Variants in SPI1 observed in about 807,000 individuals in gnomAD.
SPI1 encodes the protein transcription factor PU.1.
Under a neutral mutation model 30.7 loss-of-function variants are expected in SPI1, and 3 were observed. The observed-to-expected ratio is 0.10, with a 90% CI of 0.04 to 0.25. SPI1 has a LOEUF of 0.25. SPI1 is among the 10% of genes least tolerant of loss of function. The pLI is 1.00. For synonymous variants in SPI1, 169 were observed against 157.1 expected, an observed-to-expected ratio of 1.08 and a Z score of -0.56; for missense variants, 261 against 371.5, an observed-to-expected ratio of 0.70 and a Z score of 2.45.
chr11:47,365,498 T>C (rs2095926874), intron 2 of SPI1, among the ~76,000 whole-genome samples: 1 of 152,210 alleles, frequency 6.6e-6, no homozygotes, highest in Non-Finnish European at 1.5e-5. Flanking sequence ...GCCACTACAG[T>C]ATAATCTATC....
intron 1 of SPI1, among the ~76,000 whole-genome samples, chr11:47,378,079 C>T (rs1323817773): frequency 6.6e-6 from 1 of 152,266 alleles, no homozygotes; most frequent in East Asian, 1.9e-4. Context: ...ACTGTTCAGG[C>T]CCCACCGATC....
rs200099249 is a variant in SPI1 at position 47,355,553 on chromosome 11, G to A, written c.494-7C>T. On this transcript the variant is annotated splice_region_variant and splice_polypyrimidine_tract_variant and intron_variant, in intron 4 of 4. Transcript: ENST00000378538. ...CGGATCTTCTTCTTGCTGCCTGCGG[G>A]GGGGAGGGCCCGGTGGGAGGGGGCC... 4.4e-4 allele frequency: 687 copies of A among 1,564,250 alleles called. No individual in the cohort carries two copies. The highest frequency in any genetic ancestry group is 1.8e-3 in the South Asian group (151 of 85,806).
intron 4 of SPI1, among the ~76,000 whole-genome samples, chr11:47,356,159 C>T (rs1214591715): frequency 6.6e-6 from 1 of 151,486 alleles, no homozygotes; most frequent in East Asian, 1.9e-4. Flanking sequence ...CATCTGCCCT[C>T]ACACACTGTC....
intron 4 of SPI1, among the ~76,000 whole-genome samples, chr11:47,355,754 C>A (rs1314760245): frequency 6.8e-6 from 1 of 146,468 alleles, no homozygotes; most frequent in Non-Finnish European, 1.5e-5. Flanking sequence ...TCACACACAC[C>A]CACTCACACC....
At chr11:47,358,630 C>T (rs2095915789) in intron 4 of SPI1, 1 of 707,050 alleles carries the variant, frequency 1.4e-6, no homozygotes, top group Non-Finnish European at 2.6e-6. Flanking sequence ...ACACCTGGCA[C>T]ACTTCATGGA....
At chr11:47,365,172 A>G (rs1205081325) in intron 2 of SPI1, among the ~76,000 whole-genome samples, 2 of 152,122 alleles carry the variant, frequency 1.3e-5, no homozygotes, top group Non-Finnish European at 2.9e-5. Flanking sequence ...ACTCTTCGAG[A>G]ACAAATTGCT....
rs761258852 is a variant in SPI1 at position 47,355,550 on chromosome 11, CG to C, written c.494-5del. On this transcript the variant is annotated splice_region_variant and splice_polypyrimidine_tract_variant and intron_variant, in intron 4 of 4. Coordinates refer to ENST00000378538, the MANE Select transcript of SPI1 (RefSeq NM_003120.3). ...AGGCGGATCTTCTTCTTGCTGCCTGCGGGGGGGAGGGCCCGGTGGGAGGGGG... is the reference window on the plus strand; with the variant it reads ...AGGCGGATCTTCTTCTTGCTGCCTGCGGGGGGAGGGCCCGGTGGGAGGGGG... The C allele has an allele frequency of 6.8e-5, 95 of 1,398,562 alleles. No individual in the cohort carries two copies. Among genetic ancestry groups the C allele is most frequent in the African/African-American group, 1.8e-4 (12 of 66,334 alleles). The allele number at this position is 1,398,562 out of a possible 1,614,324, so 86.6% of individuals were successfully genotyped here.
intron 4 of SPI1, among the ~76,000 whole-genome samples, chr11:47,357,018 C>T (rs1268429993): frequency 1.3e-5 from 2 of 150,804 alleles, no homozygotes; most frequent in Non-Finnish European, 3.0e-5. Flanking sequence ...CCTCACACAC[C>T]TCACACCAAG....
At chr11:47,367,574 A>T (rs2095930134) in intron 2 of SPI1, among the ~76,000 whole-genome samples, 1 of 140,494 alleles carries the variant, frequency 7.1e-6, no homozygotes, top group Non-Finnish European at 1.5e-5. Context: ...AAAAAATCCT[A>T]TCGTAAATAG....
intron 2 of SPI1, among the ~76,000 whole-genome samples, chr11:47,363,507 T>C (rs891424452): frequency 3.3e-5 from 5 of 150,922 alleles, no homozygotes; most frequent in Non-Finnish European, 7.4e-5. Context: ...GGTGACAGAG[T>C]GAGACTCCAT....
Position 47,355,209 on chromosome 11 carries a change from C to A in SPI1, c.*18G>T, listed in dbSNP as rs2095906186. On this transcript the variant is annotated 3_prime_UTR_variant, in exon 5 of 5. Coordinates refer to ENST00000378538, the MANE Select transcript of SPI1 (RefSeq NM_003120.3). ...GGCCAGCGGGGAGGCCTGGCGGGGC[C>A]CGGCGGGGGCTGCGGGCTCAGTGGG... 2 of 1,333,952 alleles carry A rather than the reference C, an allele frequency of 1.5e-6. No homozygotes were observed. The highest frequency in any genetic ancestry group is 4.1e-5 in the Admixed American group (1 of 24,544). The allele number at this position is 1,333,952 out of a possible 1,614,324, so 82.6% of individuals were successfully genotyped here. A position where few individuals can be genotyped will look rare whatever the true frequency, so the allele number is the denominator to read the frequency against.
intron 2 of SPI1, among the ~76,000 whole-genome samples, chr11:47,369,178 G>A (rs1309581504): frequency 6.6e-6 from 1 of 152,224 alleles, no homozygotes; most frequent in Non-Finnish European, 1.5e-5. Context: ...CTTGATCCCA[G>A]GAGGCAGAGG....
chr11:47,375,797 C>A lies in SPI1; in HGVS notation c.46-68G>T, dbSNP rs563746168. 25 of 1,277,652 alleles carry A rather than the reference C, an allele frequency of 2.0e-5. No individual in the cohort carries two copies. The South Asian group carries it at 2.7e-4, about 14-fold the overall frequency. 79.1% of individuals were successfully genotyped at this position (1,277,652 alleles called of 1,614,324 possible). ...ACCCCAGCCAGGCCTGCAGCACCCC[C>A]GCACGCTGGGTCCCCATCACCTTCC... On this transcript the variant is annotated intron_variant, in intron 1 of 4. Transcript: ENST00000378538. The surrounding 1 kb of genome is among the most constrained non-coding windows in gnomAD (Gnocchi z 4.2).
Position 47,374,056 on chromosome 11 carries a change from C to A in SPI1, c.142+1577G>T, listed in dbSNP as rs1046596220. On this transcript the variant is annotated intron_variant, in intron 2 of 4. Coordinates refer to ENST00000378538, the MANE Select transcript of SPI1 (RefSeq NM_003120.3). The surrounding 1 kb of genome is among the most constrained non-coding windows in gnomAD (Gnocchi z 4.5). ...GAGAATGCGTCCTTGTTGGAGGAGG[C>A]CTGACAGCACTGTCTGTGGTGACCC... Among the ~76,000 whole-genome samples the A allele has an allele frequency of 2.0e-5, 3 of 152,158 alleles. No individual in the cohort carries two copies. Among genetic ancestry groups the A allele is most frequent in the Non-Finnish European group, 4.4e-5 (3 of 68,026 alleles).
chr11:47,356,326 C>A (rs1022110088), intron 4 of SPI1, among the ~76,000 whole-genome samples: 1 of 121,020 alleles, frequency 8.3e-6, no homozygotes, highest in Non-Finnish European at 1.7e-5. Flanking sequence ...CATCTGCTTA[C>A]ACATTCACAA....
chr11:47,363,814 T>G (rs564889099), intron 2 of SPI1, among the ~76,000 whole-genome samples: 1 of 151,290 alleles, frequency 6.6e-6, no homozygotes, highest in South Asian at 2.1e-4. Context: ...ATATAAAAAT[T>G]AGCTGGGCCT....
rs1338994255 is a variant in SPI1, at chr11:47,375,744, G to A, written c.46-15C>T. On this transcript the variant is annotated splice_polypyrimidine_tract_variant and intron_variant, in intron 1 of 4. Transcript: ENST00000378538. The surrounding 1 kb of genome is among the most constrained non-coding windows in gnomAD (Gnocchi z 4.2). Reference sequence around the variant, plus strand: ...TCTTCTGATGGCTGCTGAGAGAGGAGGTGTCAGGGCCTGCACCATGGTGGG... The same window carrying A: ...TCTTCTGATGGCTGCTGAGAGAGGAAGTGTCAGGGCCTGCACCATGGTGGG... 2 of 1,608,116 alleles carry A rather than the reference G, an allele frequency of 1.2e-6. No individual in the cohort carries two copies. The highest frequency in any genetic ancestry group is 1.7e-6 in the Non-Finnish European group (2 of 1,175,064).
At position 47,375,520 on chromosome 11, in the gene SPI1, T is replaced by C; in HGVS notation, c.142+113A>G. 1.2e-6 allele frequency: 1 copy of C among 868,406 alleles called. No individual in the cohort carries two copies. The highest frequency in any genetic ancestry group is 1.9e-6 in the Non-Finnish European group (1 of 529,476). The allele number at this position is 868,406 out of a possible 1,614,324, so 53.8% of individuals were successfully genotyped here. The stretch of plus-strand genomic sequence containing the variant: ...ACTGCCTTTGAGAGCAAACTTGATC[T>C]GATTCTCAGAATTCCAAAGAAGTCC... On this transcript the variant is annotated intron_variant, in intron 2 of 4. Coordinates refer to ENST00000378538, the MANE Select transcript of SPI1 (RefSeq NM_003120.3). The surrounding 1 kb of genome is among the most constrained non-coding windows in gnomAD (Gnocchi z 4.2).
chr11:47,375,849 C>T lies in SPI1; in HGVS notation c.46-120G>A. The T allele has an allele frequency of 1.2e-6, 1 of 806,848 alleles. No homozygotes were observed. Among genetic ancestry groups the T allele is most frequent in the Non-Finnish European group, 2.2e-6 (1 of 462,378 alleles). The allele number at this position is 806,848 out of a possible 1,614,324, so 50.0% of individuals were successfully genotyped here. A position where few individuals can be genotyped will look rare whatever the true frequency, so the allele number is the denominator to read the frequency against. On this transcript the variant is annotated intron_variant, in intron 1 of 4. Coordinates refer to ENST00000378538, the MANE Select transcript of SPI1 (RefSeq NM_003120.3). This position sits in a 1 kb window ranked among gnomAD's most constrained non-coding sequence, Gnocchi z 4.2. The stretch of plus-strand genomic sequence containing the variant: ...TGGCTCAGTGGCTGCGTTGGACCTA[C>T]AGCCCTCCCTCTGCCTGGAACTGGG...
Sources: gnomAD v4.1 joint callset for allele counts (sites outside exome capture counted in the v4.1 genomes callset) on GRCh38, gnomAD v4.1.1 for gene constraint, Gnocchi (gnomAD v3.1) non-coding constraint, MANE v1.5 for transcripts, NCBI Gene and HGNC (gene_info 2026-07-23, HGNC 2026-07-21) for gene names.